The following SAMSN1 variants were observed in gnomAD, a reference collection of about 807,000 sequenced individuals.
SAMSN1 encodes SAM domain-containing protein SAMSN-1.
A neutral mutation model predicts 42.0 loss-of-function variants in SAMSN1; 31 were observed. That is an observed-to-expected ratio of 0.74 (90% CI 0.55 to 1.00). SAMSN1 has a LOEUF of 1.00. Ranked by LOEUF, SAMSN1 falls within the 50% of genes least tolerant of loss-of-function variation. SAMSN1 has a pLI of 0.00. For missense variants in SAMSN1, 464 were observed against 439.4 expected (o/e 1.06, Z -0.50); for synonymous variants, 178 against 151.9 (o/e 1.17, Z -1.26).
At chr21:14,655,612 G>A (rs997342008) in intron 1 of SAMSN1, among the ~76,000 whole-genome samples, 12 of 151,554 alleles carry the variant, frequency 7.9e-5, no homozygotes, top group African/African-American at 1.9e-4. Context: ...GTTTACCCAC[G>A]TCAAAATCTT....
chr21:14,583,659 T>G (rs1394849746), upstream of SAMSN1: 2 of 717,298 alleles, frequency 2.8e-6, no homozygotes, highest in Non-Finnish European at 5.2e-6. Context: ...CGGAGGTTTA[T>G]TAATGTCGGT....
chr21:14,658,827 T>C (rs1186563084), upstream of SAMSN1: 2 of 714,342 alleles, frequency 2.8e-6, no homozygotes, highest in East Asian at 2.7e-5. Flanking sequence ...TTGCCTCTTG[T>C]AGCTCTCTCT....
intron 1 of SAMSN1, among the ~76,000 whole-genome samples, chr21:14,657,791 G>C (rs1237419012): frequency 1.3e-5 from 2 of 151,764 alleles, no homozygotes; most frequent in African/African-American, 4.8e-5. Flanking sequence ...CGATGATTCA[G>C]CCTCCCACAA....
intron 2 of SAMSN1, among the ~76,000 whole-genome samples, chr21:14,637,824 G>A (rs9974645): frequency 0.017 from 2,620 of 152,222 alleles, 87 homozygotes; most frequent in African/African-American, 0.06. Flanking sequence ...GCCTGGGGCC[G>A]GCTTAACACA....
chr21:14,557,193 G>A (rs910640835), intron 2 of SAMSN1, among the ~76,000 whole-genome samples: 1 of 152,154 alleles, frequency 6.6e-6, no homozygotes, highest in Non-Finnish European at 1.5e-5. Flanking sequence ...GGACTTTGGA[G>A]GAGTGATGTA....
intron 2 of SAMSN1, among the ~76,000 whole-genome samples, chr21:14,625,150 G>A (rs1983130946): frequency 6.6e-6 from 1 of 152,066 alleles, no homozygotes; most frequent in Non-Finnish European, 1.5e-5. Context: ...AGCTATCTAT[G>A]ACAAACCCAC....
At chr21:14,537,170 T>G (rs1420254672) in intron 1 of SAMSN1, among the ~76,000 whole-genome samples, 1 of 152,238 alleles carries the variant, frequency 6.6e-6, no homozygotes, top group Admixed American at 6.5e-5. Context: ...CTTCCCGCTA[T>G]GCACTCTGCC....
chr21:14,528,191 T>C (rs912140611), intron 1 of SAMSN1, among the ~76,000 whole-genome samples: 1 of 152,152 alleles, frequency 6.6e-6, no homozygotes, highest in African/African-American at 2.4e-5. Flanking sequence ...TTTTCCCTAT[T>C]GTGAAACTTC....
chr21:14,601,669 A>G (rs150377529), intron 6 of SAMSN1, among the ~76,000 whole-genome samples: 1 of 152,310 alleles, frequency 6.6e-6, no homozygotes, highest in East Asian at 1.9e-4. Context: ...TGCAGTTTTG[A>G]AAGGGATTGG....
intron 1 of SAMSN1, among the ~76,000 whole-genome samples, chr21:14,528,166 G>A (rs1979000715): frequency 6.6e-6 from 1 of 152,036 alleles, no homozygotes; most frequent in South Asian, 2.1e-4. Flanking sequence ...ACACTATCGT[G>A]AACTGCTCAA....
At chr21:14,495,475 T>C (rs1214837289) in intron 7 of SAMSN1, among the ~76,000 whole-genome samples, 1 of 152,224 alleles carries the variant, frequency 6.6e-6, no homozygotes, top group African/African-American at 2.4e-5. Flanking sequence ...AATACTACTC[T>C]AGACCATAAG....
chr21:14,626,077 T>G (rs1215094858), intron 2 of SAMSN1, among the ~76,000 whole-genome samples: 3 of 152,240 alleles, frequency 2.0e-5, no homozygotes, highest in Admixed American at 1.3e-4. Flanking sequence ...GCTAGTCATA[T>G]GTAGAAAGTT....
chr21:14,512,684 A>T lies in SAMSN1; in HGVS notation c.280-111T>A, dbSNP rs1987740853. ...TTTTAGCAATAAAATACTTAAGGAT[A>T]CATAAGGATAAAATACAAAAGTAGT... On this transcript the variant is annotated intron_variant, in intron 3 of 7. Transcript: ENST00000400566. The T allele has an allele frequency of 4.0e-6, 4 of 997,930 alleles. No individual in the cohort carries two copies. In the East Asian group the frequency reaches 9.6e-5, roughly 24 times the overall value. The allele number at this position is 997,930 out of a possible 1,614,324, so 61.8% of individuals were successfully genotyped here.
intron 7 of SAMSN1, among the ~76,000 whole-genome samples, chr21:14,492,145 G>A (rs1044637487): frequency 1.3e-5 from 2 of 152,008 alleles, no homozygotes; most frequent in African/African-American, 2.4e-5. Flanking sequence ...TTCGTATCTT[G>A]AATTTTGTAG....
At chr21:14,583,432 G>A (rs983959820), upstream of SAMSN1, 213 of 492,380 alleles carry the variant, frequency 4.3e-4, 1 homozygote, top group Admixed American at 7.6e-3. Flanking sequence ...GTGTCTCGGA[G>A]CCCGGTCTTG....
chr21:14,587,578 C>G (rs1055197768), upstream of SAMSN1, among the ~76,000 whole-genome samples: 1 of 152,054 alleles, frequency 6.6e-6, no homozygotes, highest in Non-Finnish European at 1.5e-5. Flanking sequence ...TCTGATATCA[C>G]CACCATTCTC....
Position 14,582,183 on chromosome 21 carries a change from T to C in SAMSN1, c.214A>G (p.Thr72Ala), listed in dbSNP as rs9636819. The C allele has an allele frequency of 1.5e-5, 24 of 1,550,614 alleles. No homozygotes were observed. The East Asian group carries it at 5.9e-4, about 38-fold the overall frequency. The change falls in exon 2 of 9, where the codon ACA becomes GCA. Residue 72 changes from threonine to alanine, a missense_variant. Thr to Ala is a moderately conservative substitution (Grantham distance 58). Coordinates refer to the SAMSN1 transcript ENST00000285670. ...TCTGAGCAGGAAGACTTGAGACGTG[T>C]GTGGCGAATACAAGAGGAGCAGTGG...
chr21:14,576,189 G>A (rs1981455534), intron 2 of SAMSN1, among the ~76,000 whole-genome samples: 1 of 152,128 alleles, frequency 6.6e-6, no homozygotes, highest in Non-Finnish European at 1.5e-5. Flanking sequence ...TGTGAGGGGA[G>A]CAGGGACATT....
Position 14,542,691 on chromosome 21 carries a change from T to G in SAMSN1, c.57+3514A>C, listed in dbSNP as rs534784808. Among the ~76,000 whole-genome samples, 19 of 152,224 alleles carry G rather than the reference T, an allele frequency of 1.2e-4. No individual in the cohort carries two copies. The East Asian group carries it at 3.5e-3, about 28-fold the overall frequency. ...TGCTCATGCCTGTAATCCCAGCACT[T>G]TGGAAGGCTGAGGTGGTTTGAGATG... On this transcript the variant is annotated intron_variant, in intron 1 of 7. Transcript: ENST00000400566.
Sources: allele counts gnomAD v4.1 joint callset (sites outside exome capture counted in the v4.1 genomes callset), GRCh38; gene constraint gnomAD v4.1.1; transcripts MANE v1.5; gene names NCBI Gene and HGNC (gene_info 2026-07-23, HGNC 2026-07-21).